The following ECE1 variants were observed in gnomAD, a reference collection of about 807,000 sequenced individuals.
The protein encoded by ECE1 is endothelin converting enzyme 1.
Under a neutral mutation model 98.6 loss-of-function variants are expected in ECE1, and 35 were observed. That is an observed-to-expected ratio of 0.35 (90% confidence interval 0.27 to 0.47). ECE1 has a LOEUF of 0.47. Ranked by LOEUF, ECE1 falls within the 20% of genes least tolerant of loss-of-function variation. The pLI is 1.00. For synonymous variants in ECE1, 394 were observed against 407.1 expected, an observed-to-expected ratio of 0.97 and a Z score of 0.39; for missense variants, 814 against 1,025.3, an observed-to-expected ratio of 0.79 and a Z score of 2.81.
intron 4 of ECE1, among the ~76,000 whole-genome samples, chr1:21,264,308 T>C (rs1271136550): frequency 8.2e-4 from 52 of 63,574 alleles, no homozygotes; most frequent in African/African-American, 3.2e-3. Context: ...AATATACCAA[T>C]TCCCCCCCCC....
chr1:21,238,802 G>A (rs562207179), intron 10 of ECE1, among the ~76,000 whole-genome samples: 1 of 151,958 alleles, frequency 6.6e-6, no homozygotes, highest in African/African-American at 2.4e-5. Flanking sequence ...CAGCAACACC[G>A]CAGGACTTTT....
intron 4 of ECE1, among the ~76,000 whole-genome samples, chr1:21,263,022 G>A (rs1305876275): frequency 2.0e-5 from 3 of 152,178 alleles, no homozygotes; most frequent in Non-Finnish European, 4.4e-5. Context: ...CGGGGTGAAC[G>A]CTGTGAGAAC....
chr1:21,327,357 G>A lies in ECE1; in HGVS notation c.3+18019C>T, dbSNP rs188955434. Among the ~76,000 whole-genome samples the A allele has an allele frequency of 3.6e-4, 55 of 152,234 alleles. No individual in the cohort carries two copies. Among genetic ancestry groups the A allele is most frequent in the African/African-American group, 1.3e-3 (53 of 41,540 alleles). ...GTTTTCTCATTTGTCAAAGCGACGG[G>A]CTGATCCCCTGCCCCACTCCAATCA... On this transcript the variant is annotated intron_variant, in intron 1 of 18. Transcript: ENST00000415912. The surrounding 1 kb of genome is among the most constrained non-coding windows in gnomAD (Gnocchi z 4.6).
chr1:21,239,928 C>T (rs989035860), intron 10 of ECE1, among the ~76,000 whole-genome samples: 10 of 151,882 alleles, frequency 6.6e-5, no homozygotes, highest in African/African-American at 2.2e-4. Context: ...CCCAGCACTT[C>T]GGGAGGCCGA....
At chr1:21,270,327 G>A (rs986299468) in intron 4 of ECE1, among the ~76,000 whole-genome samples, 6 of 152,232 alleles carry the variant, frequency 3.9e-5, no homozygotes, top group Non-Finnish European at 5.9e-5. Context: ...AGCGCACGGC[G>A]GACATCCGTG....
chr1:21,279,123 C>A (rs1222545995), intron 3 of ECE1, 68 bp downstream of exon 3: 2 of 1,613,194 alleles, frequency 1.2e-6, no homozygotes, highest in Admixed American at 1.7e-5. Flanking sequence ...GGAAGCCCCC[C>A]TCGCCCGAGC....
chr1:21,345,381 C>A lies in ECE1; in HGVS notation c.-3G>T. The A allele has an allele frequency of 7.5e-7, 1 of 1,341,656 alleles. No individual in the cohort carries two copies. The highest frequency in any genetic ancestry group is 3.3e-5 in the East Asian group (1 of 30,306). 83.1% of individuals were successfully genotyped at this position (1,341,656 alleles called of 1,614,324 possible). The stretch of plus-strand genomic sequence containing the variant: ...CCTCCGCGCGCAGCACTCACCATAG[C>A]TCGCGTGCTCCGCCCCGGCTTCGCG... On this transcript the variant is annotated 5_prime_UTR_variant, in exon 1 of 19. Transcript: ENST00000415912. This position sits in a 1 kb window ranked among gnomAD's most constrained non-coding sequence, Gnocchi z 5.1.
intron 1 of ECE1, among the ~76,000 whole-genome samples, chr1:21,334,207 T>G (rs1175629747): frequency 1.3e-5 from 2 of 152,242 alleles, no homozygotes; most frequent in East Asian, 3.8e-4. Context: ...TCTTTCCCTT[T>G]GTGAGCCTTG....
At position 21,260,286 on chromosome 1, in the gene ECE1, C is replaced by T. The variant is rs2098225068; in HGVS notation, c.600G>A (p.Met200Ile). 1 of 1,614,258 alleles carries T rather than the reference C, an allele frequency of 6.2e-7. No individual in the cohort carries two copies. The highest frequency in any genetic ancestry group is 8.5e-7 in the Non-Finnish European group (1 of 1,180,046). The change falls in exon 5 of 19, where the codon ATG (methionine) becomes ATA (isoleucine). Residue 200 changes from methionine (M) to isoleucine (I), a missense_variant. Met to Ile is a conservative substitution (Grantham distance 10). Coordinates refer to ENST00000374893, the MANE Select transcript of ECE1 (RefSeq NM_001397.3). This position sits in a 1 kb window ranked among gnomAD's most constrained non-coding sequence, Gnocchi z 4.3. The part of the protein sequence containing the change: ...RIEELRAKPL[M>I]ELIERLGGWN... ...AGGCACTCACCCTCTCAATCAACTC[C>T]ATTAGAGGTTTGGCCCTGAGCTCCT...
chr1:21,241,353 A>T (rs747500994), intron 10 of ECE1, among the ~76,000 whole-genome samples: 2 of 151,760 alleles, frequency 1.3e-5, no homozygotes, highest in Non-Finnish European at 2.9e-5. Context: ...TTTTGCAGAT[A>T]AAAAACTGTG....
chr1:21,253,405 C>A (rs1195991296), intron 8 of ECE1, among the ~76,000 whole-genome samples: 5 of 151,932 alleles, frequency 3.3e-5, no homozygotes, highest in African/African-American at 4.8e-5. Context: ...GCATATATAC[C>A]CATTTATTCT....
intron 14 of ECE1, among the ~76,000 whole-genome samples, chr1:21,232,083 T>C (rs535803496): frequency 3.9e-5 from 6 of 152,276 alleles, no homozygotes; most frequent in Admixed American, 2.0e-4. Flanking sequence ...TTCTTGTACA[T>C]AGCGGGGTGT....
rs745545526 is a variant in ECE1 at position 21,221,801 on chromosome 1, C to T, written c.2082G>A (p.Ser694=). 21 of 1,614,060 alleles carry T rather than the reference C, an allele frequency of 1.3e-5. No individual in the cohort carries two copies. The highest frequency in any genetic ancestry group is 1.5e-5 in the Non-Finnish European group (18 of 1,180,038). Residue 694 remains serine, a synonymous_variant, in exon 18 of 19, where the codon TCG becomes TCA. Transcript: ENST00000374893. ...TATTGGTGAGGCCCAGGGTGGGGAG[C>T]GAGTGCTCAGCCCCGTTCTTCTTCA... is the stretch of plus-strand genomic sequence containing the variant. ...NWVKKNGAEH[S]LPTLGLTNNQ...
intron 4 of ECE1, among the ~76,000 whole-genome samples, chr1:21,271,741 G>A (rs190251967): frequency 2.6e-5 from 4 of 152,126 alleles, no homozygotes; most frequent in African/African-American, 7.2e-5. Context: ...ACAAGACAAC[G>A]TGGAGCTCTA....
chr1:21,275,163 C>A (rs185780613), intron 3 of ECE1, among the ~76,000 whole-genome samples: 1 of 152,086 alleles, frequency 6.6e-6, no homozygotes, highest in African/African-American at 2.4e-5. Flanking sequence ...GAGCCTAACG[C>A]GGGAAGACGC....
chr1:21,254,575 C>T (rs770662550), intron 8 of ECE1, among the ~76,000 whole-genome samples: 10 of 152,250 alleles, frequency 6.6e-5, no homozygotes, highest in Middle Eastern at 3.4e-3. Flanking sequence ...GTGCCTTCTC[C>T]GCTATTCCTG....
intron 2 of ECE1, among the ~76,000 whole-genome samples, chr1:21,280,795 T>C (rs1019735772): frequency 4.6e-5 from 7 of 151,672 alleles, no homozygotes; most frequent in African/African-American, 1.7e-4. Context: ...CACGTGGCCA[T>C]GGTTAGGTAT....
intron 4 of ECE1, among the ~76,000 whole-genome samples, chr1:21,262,575 C>G (rs1185558890): frequency 1.3e-5 from 2 of 152,212 alleles, no homozygotes; most frequent in Non-Finnish European, 2.9e-5. Flanking sequence ...TCTGTGTGCT[C>G]TGGCCCATGA....
chr1:21,297,957 G>C (rs538393914), intron 1 of ECE1: 2 of 152,232 alleles, frequency 1.3e-5, no homozygotes, highest in East Asian at 3.9e-4. Context: ...TCTTGCCTCA[G>C]CTTCCTGAGT....
Sources: allele counts gnomAD v4.1 joint callset (sites outside exome capture counted in the v4.1 genomes callset), GRCh38; gene constraint gnomAD v4.1.1; non-coding constraint Gnocchi (gnomAD v3.1); transcripts MANE v1.5; gene names NCBI Gene and HGNC (gene_info 2026-07-23, HGNC 2026-07-21).